The following RGS3 variants were observed in gnomAD, a reference collection of about 807,000 sequenced individuals.
The protein encoded by RGS3 is regulator of G-protein signalling 3.
RGS3 carries 80 observed loss-of-function variants against 132.6 expected under a neutral mutation model. That is an observed-to-expected ratio of 0.60 (90% confidence interval 0.50 to 0.73). The LOEUF (loss-of-function observed/expected upper bound fraction) is 0.73. Ranked by LOEUF, RGS3 falls within the 30% of genes least tolerant of loss-of-function variation. The probability of loss-of-function intolerance (pLI) is 0.00; values close to 1 mark genes in which losing one functional copy is unlikely to be tolerated. For missense variants in RGS3, 1,382 were observed against 1,530.8 expected, an observed-to-expected ratio of 0.90 and a Z score of 1.62; for synonymous variants, 598 against 620.6, an observed-to-expected ratio of 0.96 and a Z score of 0.54.
intron 3 of RGS3, among the ~76,000 whole-genome samples, chr9:113,473,665 G>T (rs918085124): frequency 6.6e-6 from 1 of 152,180 alleles, no homozygotes; most frequent in African/African-American, 2.4e-5. Context: ...GGGATTACAG[G>T]TGTGAGCCAC....
chr9:113,470,284 T>G (rs563575784), intron 3 of RGS3, among the ~76,000 whole-genome samples: 2 of 152,326 alleles, frequency 1.3e-5, no homozygotes, highest in South Asian at 2.1e-4. Flanking sequence ...TTTATATTGT[T>G]CAAATATTCC....
chr9:113,495,010 G>A (rs2119270693), intron 7 of RGS3, among the ~76,000 whole-genome samples: 1 of 152,186 alleles, frequency 6.6e-6, no homozygotes, highest in African/African-American at 2.4e-5. Context: ...GAGTAGCTAG[G>A]ATTATAAGCA....
At chr9:113,581,346 A>G (rs1443197307) in intron 19 of RGS3, 1 of 152,256 alleles carries the variant, frequency 6.6e-6, no homozygotes, top group East Asian at 1.9e-4. Context: ...ACCTGGGAAC[A>G]GCCTGATAGG....
chr9:113,466,117 T>C (rs1183063178), intron 3 of RGS3, among the ~76,000 whole-genome samples: 3 of 152,228 alleles, frequency 2.0e-5, no homozygotes, highest in Non-Finnish European at 2.9e-5. Flanking sequence ...CCTGAGAATA[T>C]GAACACTTAA....
chr9:113,482,360 C>T (rs1830192234), intron 4 of RGS3, among the ~76,000 whole-genome samples: 1 of 152,222 alleles, frequency 6.6e-6, no homozygotes, highest in South Asian at 2.1e-4. Context: ...ATGTTATTAT[C>T]ACTAAACCAT....
chr9:113,594,655 C>G, intron 22 of RGS3, 124 bp downstream of exon 20: 1 of 827,802 alleles, frequency 1.2e-6, no homozygotes, highest in South Asian at 1.7e-5. Context: ...GGGAGACAGG[C>G]TTTCACAGAG....
At chr9:113,455,892 C>T (rs1829353202), upstream of RGS3, among the ~76,000 whole-genome samples, 1 of 152,142 alleles carries the variant, frequency 6.6e-6, no homozygotes, top group Non-Finnish European at 1.5e-5. Flanking sequence ...CCAAGAATAT[C>T]GTCTGGCTTT....
intron 3 of RGS3, among the ~76,000 whole-genome samples, chr9:113,465,482 C>CGTGTGT (rs1829607610): frequency 1.4e-5 from 1 of 70,932 alleles, no homozygotes; most frequent in Non-Finnish European, 3.1e-5. Context: ...TGTGTGTGTG[C>CGTGTGT]CTGTGTGTAT....
intron 1 of RGS3, among the ~76,000 whole-genome samples, chr9:113,461,162 G>C (rs933458362): frequency 2.6e-5 from 4 of 152,126 alleles, no homozygotes; most frequent in Non-Finnish European, 2.9e-5. Flanking sequence ...GTATGTGTAT[G>C]TATGTGTGCA....
intron 7 of RGS3, among the ~76,000 whole-genome samples, chr9:113,488,801 A>C (rs535587977): frequency 6.6e-6 from 1 of 152,332 alleles, no homozygotes; most frequent in East Asian, 1.9e-4. Flanking sequence ...TGTGAGCAGC[A>C]CGCAGGCCGG....
chr9:113,526,668 G>A (rs1223285853), intron 17 of RGS3, among the ~76,000 whole-genome samples: 1 of 152,178 alleles, frequency 6.6e-6, no homozygotes, highest in East Asian at 1.9e-4. Context: ...AGAGGGCTCT[G>A]GGAAAGTGAC....
intron 19 of RGS3, among the ~76,000 whole-genome samples, chr9:113,572,770 G>A (rs937052913): frequency 2.0e-5 from 3 of 152,264 alleles, no homozygotes; most frequent in Non-Finnish European, 4.4e-5. Context: ...AAGACCCAGT[G>A]AGGGGAGTGA....
chr9:113,586,777 G>A (rs1353508204), intron 20 of RGS3, among the ~76,000 whole-genome samples: 1 of 152,226 alleles, frequency 6.6e-6, no homozygotes, highest in African/African-American at 2.4e-5. Flanking sequence ...CTGGTACTGG[G>A]CCTTGGGCAA....
Position 113,508,824 on chromosome 9 carries a change from C to G in RGS3, c.1477+244C>G, listed in dbSNP as rs775831447. 2.6e-5 allele frequency among the ~76,000 whole-genome samples: 4 copies of G among 152,140 alleles called. No homozygotes were observed. The East Asian group carries it at 7.7e-4, about 29-fold the overall frequency. ...ATCTTACCAGGGCATTTTGAGAGACCGTGTGTCCAGGCCTCAGGCATTCAA... is the reference window on the plus strand; with the variant it reads ...ATCTTACCAGGGCATTTTGAGAGACGGTGTGTCCAGGCCTCAGGCATTCAA... On this transcript the variant is annotated intron_variant, in intron 14 of 24. Coordinates refer to ENST00000350696, the Ensembl canonical transcript of RGS3.
intron 1 of RGS3, among the ~76,000 whole-genome samples, chr9:113,460,515 C>T (rs370245806): frequency 6.0e-5 from 9 of 150,876 alleles, no homozygotes; most frequent in African/African-American, 1.9e-4. Context: ...AGTGAGACTC[C>T]GTCTCCAAAA....
In RGS3 at chr9:113,553,459, A is replaced by AAAAAAAT. The variant is rs1426114805; in HGVS notation, c.2037+16542_2037+16543insAAAAATA. On this transcript the variant is annotated intron_variant, in intron 19 of 24. Coordinates refer to ENST00000350696, the Ensembl canonical transcript of RGS3. ...CTCTGTTTAAAAAAAAAAAAAAAAA[A>AAAAAAAT]ATATATATATATATATATATATATA... 1.9e-3 allele frequency among the ~76,000 whole-genome samples: 112 copies of AAAAAAAT among 58,668 alleles called. 3 individuals are homozygous for AAAAAAAT. The highest frequency in any genetic ancestry group is 4.3e-3 in the East Asian group (10 of 2,322). The allele number at this position is 58,668 out of a possible 152,430, so 38.5% of individuals were successfully genotyped here.
chr9:113,492,832 T>C (rs1161828684), intron 7 of RGS3, among the ~76,000 whole-genome samples: 1 of 152,208 alleles, frequency 6.6e-6, no homozygotes, highest in African/African-American at 2.4e-5. Context: ...ACATTAATTG[T>C]GGCAATTTAC....
chr9:113,484,640 G>A (rs937139582), intron 6 of RGS3, among the ~76,000 whole-genome samples: 1 of 152,182 alleles, frequency 6.6e-6, no homozygotes, highest in African/African-American at 2.4e-5. Flanking sequence ...TAACCTCTCT[G>A]AGCCTTGGCT....
chr9:113,522,832 G>A, intron 16 of RGS3, 98 bp from the exon 15 acceptor site: 1 of 792,450 alleles, frequency 1.3e-6, no homozygotes, highest in African/African-American at 1.7e-5. Flanking sequence ...TGCATTATCT[G>A]GGGAGGCTGT....
Sources: gnomAD v4.1 joint callset for allele counts (sites outside exome capture counted in the v4.1 genomes callset) on GRCh38, gnomAD v4.1.1 for gene constraint, MANE v1.5 for transcripts, NCBI Gene and HGNC (gene_info 2026-07-23, HGNC 2026-07-21) for gene names.